The following CDC42BPA variants were observed in gnomAD, a reference collection of about 807,000 sequenced individuals.
The protein encoded by CDC42BPA is serine/threonine-protein kinase MRCK alpha.
Under a neutral mutation model 223.5 loss-of-function variants are expected in CDC42BPA, and 80 were observed. The ratio of observed to expected loss-of-function variants is 0.36; its 90% CI spans 0.30 to 0.43. CDC42BPA has a LOEUF of 0.43. CDC42BPA is among the 20% of genes least tolerant of loss of function. The pLI is 1.00. For missense variants in CDC42BPA, 1,743 were observed against 2,099.9 expected, an observed-to-expected ratio of 0.83 and a Z score of 3.32; for synonymous variants, 694 against 718.6, an observed-to-expected ratio of 0.97 and a Z score of 0.55.
At chr1:227,066,459 T>C (rs1157255593) in intron 21 of CDC42BPA, among the ~76,000 whole-genome samples, 1 of 152,024 alleles carries the variant, frequency 6.6e-6, no homozygotes, top group African/African-American at 2.4e-5. Context: ...ACAGAAGAAC[T>C]TGAGCGTTAT....
chr1:226,994,810 C>A lies in CDC42BPA; in HGVS notation c.5133+13G>T, dbSNP rs767520723. On this transcript the variant is annotated intron_variant, in intron 36 of 36. Transcript: ENST00000366766. The surrounding 1 kb of genome is among the most constrained non-coding windows in gnomAD (Gnocchi z 4.0). Reference sequence around the variant, plus strand: ...TTCTGATACATGACGTCTCCGGAACCCTGCCCACTCACCTCTCCGTCAAAG... The same window carrying A: ...TTCTGATACATGACGTCTCCGGAACACTGCCCACTCACCTCTCCGTCAAAG... 3.1e-6 allele frequency: 5 copies of A among 1,602,866 alleles called. No individual in the cohort carries two copies. Among genetic ancestry groups the A allele is most frequent in the African/African-American group, 1.3e-5 (1 of 74,636 alleles).
chr1:227,238,184 T>C (rs1312858551), intron 2 of CDC42BPA, among the ~76,000 whole-genome samples: 1 of 143,384 alleles, frequency 7.0e-6, no homozygotes, highest in South Asian at 2.3e-4. Flanking sequence ...GAGACCCCCA[T>C]CTCTATTTTT....
Position 227,209,199 on chromosome 1 carries a change from T to C in CDC42BPA, c.354+3937A>G, listed in dbSNP as rs535235378. On this transcript the variant is annotated intron_variant, in intron 3 of 36. Transcript: ENST00000366766. Reference sequence around the variant, plus strand: ...TAAGAATGCTTGTGATTTTTGTACATTGATTTTGTATCCTGAGACTTTGCT... The same window carrying C: ...TAAGAATGCTTGTGATTTTTGTACACTGATTTTGTATCCTGAGACTTTGCT... Among the ~76,000 whole-genome samples the C allele has an allele frequency of 8.0e-4, 117 of 145,784 alleles. 2 individuals are homozygous for C. Among genetic ancestry groups the C allele is most frequent in the African/African-American group, 3.0e-3 (115 of 38,952 alleles).
chr1:227,126,521 T>G lies in CDC42BPA; in HGVS notation c.1513+2588A>C, dbSNP rs500388. Among the ~76,000 whole-genome samples the G allele has an allele frequency of 7.6e-3, 636 of 83,992 alleles. 17 individuals carry two copies. The highest frequency in any genetic ancestry group is 0.03 in the African/African-American group (585 of 19,340). 55.1% of individuals were successfully genotyped at this position (83,992 alleles called of 152,430 possible). A position where few individuals can be genotyped will look rare whatever the true frequency, so the allele number is the denominator to read the frequency against. ...GAAGGAAGGAAGGAAGGAAGGAAGG[T>G]AAGAAAGGAAAAAGAAGAAAAAAAA... On this transcript the variant is annotated intron_variant, in intron 11 of 36. Coordinates refer to ENST00000366766, the MANE Select transcript of CDC42BPA (RefSeq NM_001394014.1).
At chr1:227,251,656 G>A (rs80127429) in intron 2 of CDC42BPA, among the ~76,000 whole-genome samples, 14,501 of 152,052 alleles carry the variant, frequency 0.095, 853 homozygotes, top group Middle Eastern at 0.17. Flanking sequence ...CCATAATAGC[G>A]AATGAGTTAA....
At position 227,115,561 on chromosome 1, in the gene CDC42BPA, T is replaced by C. The variant is rs1262290218; in HGVS notation, c.1648-2648A>G. Among the ~76,000 whole-genome samples, 7 of 151,584 alleles carry C rather than the reference T, an allele frequency of 4.6e-5. No homozygotes were observed. The East Asian group carries it at 1.4e-3, about 29-fold the overall frequency. On this transcript the variant is annotated intron_variant, in intron 12 of 36. Coordinates refer to ENST00000366766, the MANE Select transcript of CDC42BPA (RefSeq NM_001394014.1). ...TATAAAGACGATCTGAAAAGCTTCA[T>C]ACACAGAAGCTTGCTCTCTAAATTG...
intron 5 of CDC42BPA, among the ~76,000 whole-genome samples, chr1:227,166,615 T>G (rs1489856761): frequency 6.6e-6 from 1 of 152,208 alleles, no homozygotes; most frequent in East Asian, 1.9e-4. Flanking sequence ...AAATTTATAG[T>G]AGTCATAAGA....
chr1:227,046,530 G>A (rs1033553849), intron 23 of CDC42BPA, among the ~76,000 whole-genome samples: 3 of 152,132 alleles, frequency 2.0e-5, no homozygotes, highest in Non-Finnish European at 4.4e-5. Context: ...TTAAATTTGT[G>A]ATCTCTTTGG....
Position 227,317,800 on chromosome 1 carries a change from G to C in CDC42BPA, c.-618C>G, listed in dbSNP as rs1339725661. On this transcript the variant is annotated 5_prime_UTR_variant, in exon 1 of 37. Transcript: ENST00000366766. Reference sequence around the variant, plus strand: ...GGCGAGGTCCCTGAAGCAGCCCCTCGGCTCGGAGCACGCCAAGTCTTGCCC... The same window carrying C: ...GGCGAGGTCCCTGAAGCAGCCCCTCCGCTCGGAGCACGCCAAGTCTTGCCC... The C allele has an allele frequency of 2.5e-6, 1 of 398,558 alleles. No individual in the cohort carries two copies. Among genetic ancestry groups the C allele is most frequent in the East Asian group, 3.6e-5 (1 of 28,098 alleles). The allele number at this position is 398,558 out of a possible 1,614,324, so 24.7% of individuals were successfully genotyped here.
At chr1:227,035,192 C>T (rs1329227257) in intron 25 of CDC42BPA, among the ~76,000 whole-genome samples, 1 of 152,124 alleles carries the variant, frequency 6.6e-6, no homozygotes, top group Non-Finnish European at 1.5e-5. Flanking sequence ...TAACCATATG[C>T]CACCTCTCTT....
rs1694739637 is a variant in CDC42BPA at position 227,318,491 on chromosome 1, A to ATGGCGGCC, written c.-1310_-1309insGGCCGCCA. 1.3e-5 allele frequency: 2 copies of ATGGCGGCC among 151,710 alleles called. No individual in the cohort carries two copies. The highest frequency in any genetic ancestry group is 4.8e-5 in the African/African-American group (2 of 41,264). The allele number at this position is 151,710 out of a possible 1,614,324, so 9.4% of individuals were successfully genotyped here. ...GCTTGCGGACGAGTCTGGATCCAAT[A>ATGGCGGCC]TGGCGGCCTGGCCCCCCGGCCCCGG... On this transcript the variant is annotated 5_prime_UTR_variant, in exon 1 of 37. Transcript: ENST00000366766.
At chr1:227,076,984 A>G (rs1679621751) in intron 17 of CDC42BPA, among the ~76,000 whole-genome samples, 1 of 152,230 alleles carries the variant, frequency 6.6e-6, no homozygotes, top group African/African-American at 2.4e-5. Flanking sequence ...CAACTACAGA[A>G]GGCCAACTTA....
chr1:227,149,671 T>C (rs991515750), intron 6 of CDC42BPA, among the ~76,000 whole-genome samples: 1 of 152,040 alleles, frequency 6.6e-6, no homozygotes, highest in African/African-American at 2.4e-5. Flanking sequence ...AGGTAAACAG[T>C]GGATTAGATA....
intron 16 of CDC42BPA, among the ~76,000 whole-genome samples, chr1:227,091,580 A>G (rs1420325206): frequency 2.7e-5 from 4 of 150,912 alleles, no homozygotes; most frequent in African/African-American, 9.8e-5. Flanking sequence ...TTTGTAAATT[A>G]CCCAGTCTCA....
At chr1:227,070,592 T>C (rs1678093359) in intron 20 of CDC42BPA, among the ~76,000 whole-genome samples, 1 of 151,898 alleles carries the variant, frequency 6.6e-6, no homozygotes, top group African/African-American at 2.4e-5. Context: ...TCTAATAATA[T>C]AACACAGTTA....
At chr1:227,305,357 C>A (rs1559001871) in intron 1 of CDC42BPA, among the ~76,000 whole-genome samples, 2 of 151,990 alleles carry the variant, frequency 1.3e-5, no homozygotes. Flanking sequence ...ATAGATTACT[C>A]TTATTCTTTA....
chr1:227,177,652 A>G (rs1667202277), intron 5 of CDC42BPA, among the ~76,000 whole-genome samples: 1 of 152,098 alleles, frequency 6.6e-6, no homozygotes, highest in Non-Finnish European at 1.5e-5. Context: ...TTCTGGTGCA[A>G]TTCTAAAAGA....
At chr1:227,294,923 T>TTAAGTGAAAAAAA (rs1245330822) in intron 1 of CDC42BPA, among the ~76,000 whole-genome samples, 16 of 137,482 alleles carry the variant, frequency 1.2e-4, no homozygotes, top group Non-Finnish European at 2.5e-4. Context: ...CTTTATCACA[T>TTAAGTGAAAAAAA]TAAGTGAAAA....
chr1:227,035,731 A>G, intron 24 of CDC42BPA, 124 bp from the exon 25 acceptor site: 1 of 629,286 alleles, frequency 1.6e-6, no homozygotes, highest in East Asian at 3.1e-5. Context: ...ATTTTAAATA[A>G]CTGTTTTATC....
Sources: allele counts gnomAD v4.1 joint callset (sites outside exome capture counted in the v4.1 genomes callset), GRCh38; gene constraint gnomAD v4.1.1; non-coding constraint Gnocchi (gnomAD v3.1); transcripts MANE v1.5; gene names NCBI Gene and HGNC (gene_info 2026-07-23, HGNC 2026-07-21).